NCLN: variants seen among roughly 807,000 people sequenced by gnomAD.
NCLN encodes BOS complex subunit NCLN.
In NCLN, 34 loss-of-function variants were observed where a neutral mutation model predicts 69.5. That is an observed-to-expected ratio of 0.49 (90% CI 0.37 to 0.65). The LOEUF (loss-of-function observed/expected upper bound fraction) is 0.65. NCLN is among the 30% of genes least tolerant of loss of function. The pLI is 0.00. For synonymous variants in NCLN, 393 were observed against 358.3 expected (o/e 1.10, Z -1.09); for missense variants, 710 against 804.8 (o/e 0.88, Z 1.42).
At chr19:3,198,506 CAA>C (rs770959188) in intron 4 of NCLN, among the ~76,000 whole-genome samples, 4 of 76,744 alleles carry the variant, frequency 5.2e-5, no homozygotes, top group African/African-American at 1.0e-4. Context: ...GATTCCGTCT[CAA>C]AAAAAAAAAA....
At chr19:3,199,383 A>C (rs1916062623) in intron 5 of NCLN, among the ~76,000 whole-genome samples, 1 of 152,258 alleles carries the variant, frequency 6.6e-6, no homozygotes, top group African/African-American at 2.4e-5. Flanking sequence ...AGCCCAAAGC[A>C]CTGTCACCAG....
chr19:3,201,507 T>C lies in NCLN; in HGVS notation c.697-16T>C. On this transcript the variant is annotated splice_polypyrimidine_tract_variant and intron_variant, in intron 5 of 14. Coordinates refer to ENST00000246117, the MANE Select transcript of NCLN (RefSeq NM_020170.4). ...GGGCGGGGGTGACTGTGGCCTTGCC[T>C]CTCCCGTCCCTGTAGTGGCTGTCGC... 1 of 1,538,292 alleles carries C rather than the reference T, an allele frequency of 6.5e-7. No homozygotes were observed. Among genetic ancestry groups the C allele is most frequent in the Non-Finnish European group, 8.7e-7 (1 of 1,145,506 alleles).
At chr19:3,204,484 G>A (rs1001242703) in intron 8 of NCLN, 89 bp from the exon 9 acceptor site, 9 of 1,377,082 alleles carry the variant, frequency 6.5e-6, no homozygotes, top group Non-Finnish European at 7.8e-6. Context: ...ACCCTCGGGG[G>A]TTCTGGGAGG....
At chr19:3,187,478 C>G (rs1038893746) in intron 1 of NCLN, among the ~76,000 whole-genome samples, 1 of 152,204 alleles carries the variant, frequency 6.6e-6, no homozygotes, top group South Asian at 2.1e-4. Flanking sequence ...GCGCGGGGAC[C>G]CCCAGCTTCT....
rs1459597990 is a variant in NCLN, at chr19:3,198,850, C to T, written c.649C>T (p.Pro217Ser). Residue 217 changes from proline to serine, a missense_variant, in exon 5 of 15, where the codon CCC becomes TCC. Transcript: ENST00000246117. ...GACGGGGCTGGGCGGAGAGGACCTT[C>T]CCACCATCGTCATCGTGGCCCACTA... ...RLTGLGGEDL[P>S]TIVIVAHYDA... is the part of the protein sequence containing the mutation. 2.5e-6 allele frequency: 4 copies of T among 1,570,282 alleles called. No individual in the cohort carries two copies. The highest frequency in any genetic ancestry group is 1.8e-5 in the Admixed American group (1 of 54,734).
At chr19:3,200,877 T>C (rs1343256432) in intron 5 of NCLN, among the ~76,000 whole-genome samples, 4 of 152,162 alleles carry the variant, frequency 2.6e-5, no homozygotes, top group Non-Finnish European at 4.4e-5. Flanking sequence ...ACAAAGTCTT[T>C]TGGATCTGGC....
chr19:3,204,343 G>A (rs1157752962), intron 8 of NCLN, among the ~76,000 whole-genome samples, 199 bp downstream of exon 8: 3 of 151,956 alleles, frequency 2.0e-5, no homozygotes, highest in Admixed American at 6.5e-5. Context: ...GGCACACTGC[G>A]TCAGGGCCGG....
intron 1 of NCLN, among the ~76,000 whole-genome samples, chr19:3,189,210 C>T (rs1466815561): frequency 9.9e-5 from 15 of 152,144 alleles, no homozygotes; most frequent in African/African-American, 1.9e-4. Flanking sequence ...GCTCGGTGGC[C>T]GTTCACAGCA....
chr19:3,193,157 C>T, intron 2 of NCLN, 127 bp from the exon 3 acceptor site: 1 of 904,090 alleles, frequency 1.1e-6, no homozygotes, highest in Non-Finnish European at 1.7e-6. Flanking sequence ...ACTGGGCCCC[C>T]TGCTACCCCC....
intron 1 of NCLN, among the ~76,000 whole-genome samples, chr19:3,189,816 T>C (rs997739347): frequency 1.3e-5 from 2 of 152,146 alleles, no homozygotes; most frequent in Admixed American, 6.5e-5. Flanking sequence ...GCCCTTGCCA[T>C]TGGGCCCCGA....
intron 5 of NCLN, among the ~76,000 whole-genome samples, chr19:3,199,292 G>A (rs1345081501): frequency 2.0e-5 from 3 of 152,252 alleles, no homozygotes; most frequent in Non-Finnish European, 4.4e-5. Flanking sequence ...GGTGAGTTGG[G>A]GAGGCCAGTC....
At position 3,207,171 on chromosome 19, in the gene NCLN, C is replaced by T. The variant is rs917702051; in HGVS notation, c.1500-27C>T. On this transcript the variant is annotated intron_variant, in intron 12 of 14. Transcript: ENST00000246117. ...TAAGAATTAGCTGGGCGCAGTGGTG[C>T]CCCCTGAGAAAGTGCTCTCTCCCCA... 1.9e-6 allele frequency: 3 copies of T among 1,612,264 alleles called. No individual in the cohort carries two copies. The African/African-American group carries it at 4.0e-5, about 22-fold the overall frequency.
rs1291809887 is a variant in NCLN, at chr19:3,186,179, G to T, written c.149G>T (p.Arg50Leu). 4 of 1,586,222 alleles carry T rather than the reference G, an allele frequency of 2.5e-6. No individual in the cohort carries two copies. The highest frequency in any genetic ancestry group is 2.6e-6 in the Non-Finnish European group (3 of 1,169,770). ...ADAAHEFTVY[R>L]MQQYDLQGQP... ...GCCGCGCACGAGTTCACCGTGTACC[G>T]CATGCAGCAGTACGACCTGCAGGGC... The change falls in exon 1 of 15, where the codon CGC becomes CTC. Residue 50 changes from arginine (R) to leucine (L), a missense_variant. Physicochemically the swap from Arg to Leu is moderately radical, Grantham distance 102. Coordinates refer to ENST00000246117, the MANE Select transcript of NCLN (RefSeq NM_020170.4).
rs1016667543 is a variant in NCLN, at chr19:3,186,120, G to C, written c.90G>C (p.Leu30=). 3.1e-6 allele frequency: 5 copies of C among 1,597,834 alleles called. No individual in the cohort carries two copies. The African/African-American group carries it at 5.5e-5, about 18-fold the overall frequency. The change falls in exon 1 of 15, where the codon CTG becomes CTC. Residue 30 remains leucine, a synonymous_variant. Coordinates refer to ENST00000246117, the MANE Select transcript of NCLN (RefSeq NM_020170.4). ...LGFIVFLPAV[L]LLVAPPLPAA... is the part of the protein sequence containing the mutation. ...TCATCGTCTTCCTGCCCGCTGTGCT[G>C]CTGCTGGTGGCGCCGCCGCTGCCTG...
chr19:3,189,183 G>A (rs1199485846), intron 1 of NCLN, among the ~76,000 whole-genome samples: 18 of 152,202 alleles, frequency 1.2e-4, no homozygotes, highest in Admixed American at 1.0e-3. Flanking sequence ...TGGCCCTGCC[G>A]GGTGAAGGCT....
Position 3,208,099 on chromosome 19 carries a change from T to C in NCLN, c.*411T>C. 1 of 202,926 alleles carries C rather than the reference T, an allele frequency of 4.9e-6. No individual in the cohort carries two copies. 12.6% of individuals were successfully genotyped at this position (202,926 alleles called of 1,614,324 possible). ...CCGCAAGGGGCCTGGACTGCAGGCC[T>C]GACCTGCTCCCTGCTCCGTGTCTGT... On this transcript the variant is annotated 3_prime_UTR_variant, in exon 15 of 15. Coordinates refer to ENST00000246117, the MANE Select transcript of NCLN (RefSeq NM_020170.4).
chr19:3,186,236 T>G (rs1915666059), intron 1 of NCLN, 22 bp downstream of exon 1: 1 of 1,463,976 alleles, frequency 6.8e-7, no homozygotes, highest in African/African-American at 1.5e-5. Context: ...CGGCCCACCC[T>G]CGGGGCTCCC....
intron 3 of NCLN, among the ~76,000 whole-genome samples, chr19:3,193,847 G>GA (rs1915893299): frequency 6.6e-6 from 1 of 152,264 alleles, no homozygotes; most frequent in East Asian, 1.9e-4. Context: ...AGGGGCACAC[G>GA]CCTTTCCTCC....
In NCLN at chr19:3,205,524, G is replaced by C. The variant is rs560924762; in HGVS notation, c.1209-415G>C. 1.3e-5 allele frequency among the ~76,000 whole-genome samples: 2 copies of C among 152,346 alleles called. No individual in the cohort carries two copies. Among genetic ancestry groups the C allele is most frequent in the South Asian group, 4.1e-4 (2 of 4,828 alleles). Reference sequence around the variant, plus strand: ...CAGGAAAGATTGCCAGGAAATGAGGGTGGGTGCACGGCTGTCCCAGCTGTG... The same window carrying C: ...CAGGAAAGATTGCCAGGAAATGAGGCTGGGTGCACGGCTGTCCCAGCTGTG... On this transcript the variant is annotated intron_variant, in intron 9 of 14. Coordinates refer to ENST00000246117, the MANE Select transcript of NCLN (RefSeq NM_020170.4). This position sits in a 1 kb window ranked among gnomAD's most constrained non-coding sequence, Gnocchi z 4.6.
Sources: gnomAD v4.1 joint callset for allele counts (sites outside exome capture counted in the v4.1 genomes callset) on GRCh38, gnomAD v4.1.1 for gene constraint, Gnocchi (gnomAD v3.1) non-coding constraint, MANE v1.5 for transcripts, NCBI Gene and HGNC (gene_info 2026-07-23, HGNC 2026-07-21) for gene names.